Variants in NSD1 observed in about 807,000 individuals in gnomAD.
NSD1 encodes the protein nuclear receptor binding SET domain protein 1, also known as histone-lysine N-methyltransferase, H3 lysine-36 specific.
NSD1 carries 26 observed loss-of-function variants against 242.7 expected under a neutral mutation model. That is an observed-to-expected ratio of 0.11 (90% CI 0.08 to 0.15). The LOEUF (loss-of-function observed/expected upper bound fraction) is 0.15, where lower values mean the gene tolerates loss of function less well. NSD1 is among the 10% of genes least tolerant of loss of function. The pLI, the probability that NSD1 is intolerant of heterozygous loss-of-function variation, is 1.00. For synonymous variants in NSD1, 1,106 were observed against 1,178.1 expected (o/e 0.94, Z 1.25); for missense variants, 2,495 against 3,272.8 (o/e 0.76, Z 5.80).
chr5:177,208,208 A>G lies in NSD1; in HGVS notation c.1237-1428A>G, dbSNP rs990550512. ...AATAAGAGTCTGAAAAATTAGCTGT[A>G]TTTCAGAGTCTCAATGTTTTCATGC... On this transcript the variant is annotated intron_variant, in intron 4 of 22. Coordinates refer to ENST00000439151, the MANE Select transcript of NSD1 (RefSeq NM_022455.5). Among the ~76,000 whole-genome samples the G allele has an allele frequency of 3.3e-5, 5 of 152,320 alleles. No homozygotes were observed. The South Asian group carries it at 1.0e-3, about 32-fold the overall frequency.
chr5:177,171,724 G>A (rs1351638406), intron 2 of NSD1, among the ~76,000 whole-genome samples: 1 of 152,148 alleles, frequency 6.6e-6, no homozygotes, highest in Non-Finnish European at 1.5e-5. Flanking sequence ...GTCTATTTGT[G>A]TCTGGTGTAT....
intron 6 of NSD1, among the ~76,000 whole-genome samples, chr5:177,237,205 A>C (rs1280933443): frequency 3.3e-5 from 5 of 152,162 alleles, no homozygotes; most frequent in Non-Finnish European, 7.4e-5. Flanking sequence ...ATTTTATTAG[A>C]GGTTACAAAA....
chr5:177,281,001 ATGGTTT>A (rs113190641), intron 18 of NSD1, among the ~76,000 whole-genome samples, 167 bp downstream of exon 18: 8 of 152,240 alleles, frequency 5.3e-5, no homozygotes, highest in African/African-American at 1.9e-4. Context: ...TTACGAATGG[ATGGTTT>A]TGATCTCCCA....
rs193161153 is a variant in NSD1, at chr5:177,299,950, G to A, written c.*4491G>A. 1.0e-4 allele frequency: 24 copies of A among 232,876 alleles called. No homozygotes were observed. In the East Asian group the frequency reaches 1.4e-3, roughly 13 times the overall value. The allele number at this position is 232,876 out of a possible 1,614,324, so 14.4% of individuals were successfully genotyped here. A position where few individuals can be genotyped will look rare whatever the true frequency, so the allele number is the denominator to read the frequency against. ...GCACACAGCAGCTCATGGCAGAGCC[G>A]CCTCCTAGGTCTTGGCAAAGAGGCA... On this transcript the variant is annotated 3_prime_UTR_variant, in exon 23 of 23. Transcript: ENST00000439151.
Position 177,150,174 on chromosome 5 carries a change from C to T in NSD1, c.927+14144C>T, listed in dbSNP as rs908060233. ...TTTGAGATGGAGTCTCGCTCTGTCA[C>T]GCAAGCTGGAATGCAATGGCACGAT... On this transcript the variant is annotated intron_variant, in intron 2 of 22. Transcript: ENST00000439151. Among the ~76,000 whole-genome samples, 7 of 151,946 alleles carry T rather than the reference C, an allele frequency of 4.6e-5. No homozygotes were observed. The East Asian group carries it at 5.8e-4, about 13-fold the overall frequency.
At chr5:177,191,085 G>A (rs1458004017) in intron 2 of NSD1, among the ~76,000 whole-genome samples, 1 of 150,642 alleles carries the variant, frequency 6.6e-6, no homozygotes, top group African/African-American at 2.5e-5. Context: ...TCCTGTCTCA[G>A]CCTCCCAAGT....
At position 177,256,942 on chromosome 5, in the gene NSD1, G is replaced by A. The variant is rs747358179; in HGVS notation, c.4766-9G>A. ...ATTCTTACTAATTTATCTTCTTTTG[G>A]CTTCTCAGGAATCCATACCTGTTTT... On this transcript the variant is annotated splice_polypyrimidine_tract_variant and intron_variant, in intron 12 of 22. Transcript: ENST00000439151. The A allele has an allele frequency of 6.2e-7, 1 of 1,610,842 alleles. No individual in the cohort carries two copies. Among genetic ancestry groups the A allele is most frequent in the Non-Finnish European group, 8.5e-7 (1 of 1,177,148 alleles).
At chr5:177,256,732 G>A (rs1022750081) in intron 12 of NSD1, among the ~76,000 whole-genome samples, 1 of 152,180 alleles carries the variant, frequency 6.6e-6, no homozygotes, top group Non-Finnish European at 1.5e-5. Context: ...CCAGCGGCAA[G>A]CATTTTCTGT....
At chr5:177,150,817 G>T in intron 2 of NSD1, among the ~76,000 whole-genome samples, 1 of 152,134 alleles carries the variant, frequency 6.6e-6, no homozygotes, top group East Asian at 1.9e-4. Flanking sequence ...AATTGGAGTT[G>T]TTGGGTCTCC....
chr5:177,158,171 C>A (rs1226305914), intron 2 of NSD1, among the ~76,000 whole-genome samples: 3 of 152,152 alleles, frequency 2.0e-5, no homozygotes, highest in African/African-American at 7.2e-5. Context: ...TTTTGAGGAA[C>A]AGCCAGACTG....
At chr5:177,289,436 G>A (rs1399531817) in intron 21 of NSD1, among the ~76,000 whole-genome samples, 4 of 152,176 alleles carry the variant, frequency 2.6e-5, no homozygotes, top group African/African-American at 4.8e-5. Flanking sequence ...TTGTTGAAGT[G>A]TTTTGGGCCA....
chr5:177,259,855 C>G (rs990808098), intron 13 of NSD1, 134 bp from the exon 14 acceptor site: 4 of 930,822 alleles, frequency 4.3e-6, no homozygotes, highest in Admixed American at 2.1e-5. Flanking sequence ...TGTTTAAGAT[C>G]CATCATCTTA....
intron 13 of NSD1, among the ~76,000 whole-genome samples, chr5:177,258,460 T>C (rs751555376): frequency 4.6e-5 from 7 of 152,136 alleles, no homozygotes; most frequent in South Asian, 2.1e-4. Context: ...AAACTGTCTG[T>C]GCATATAGGT....
intron 8 of NSD1, among the ~76,000 whole-genome samples, chr5:177,243,856 A>G (rs1006775294): frequency 5.9e-5 from 9 of 151,824 alleles, no homozygotes; most frequent in Non-Finnish European, 1.3e-4. Flanking sequence ...ACCACACCTG[A>G]CTAATTTTGT....
In NSD1 at chr5:177,238,845, G is replaced by C. The variant is rs1480363338; in HGVS notation, c.4192+338G>C. Among the ~76,000 whole-genome samples the C allele has an allele frequency of 1.3e-5, 2 of 152,164 alleles. No individual in the cohort carries two copies. Among genetic ancestry groups the C allele is most frequent in the Non-Finnish European group, 2.9e-5 (2 of 68,024 alleles). ...GAATAAGCACTATGCTTCAAGTGCTGGCTCCACCAATCCTTGTGTTACTTG... is the reference window on the plus strand; with the variant it reads ...GAATAAGCACTATGCTTCAAGTGCTCGCTCCACCAATCCTTGTGTTACTTG... On this transcript the variant is annotated intron_variant, in intron 7 of 22. Coordinates refer to ENST00000439151, the MANE Select transcript of NSD1 (RefSeq NM_022455.5). This position sits in a 1 kb window ranked among gnomAD's most constrained non-coding sequence, Gnocchi z 4.6.
In NSD1 at chr5:177,296,094, T is replaced by C. The variant is rs1041635503; in HGVS notation, c.*635T>C. On this transcript the variant is annotated 3_prime_UTR_variant, in exon 23 of 23. Transcript: ENST00000439151. ...ACCAGAAGTGGTTGTGTTGAGGAAG[T>C]GTCTCTTGGCTGCGGTGTGCATGGG... is the stretch of plus-strand genomic sequence containing the variant. 4.0e-6 allele frequency: 1 copy of C among 252,296 alleles called. No homozygotes were observed. The highest frequency in any genetic ancestry group is 7.8e-6 in the Non-Finnish European group (1 of 128,276). The allele number at this position is 252,296 out of a possible 1,614,324, so 15.6% of individuals were successfully genotyped here. A position where few individuals can be genotyped will look rare whatever the true frequency, so the allele number is the denominator to read the frequency against.
rs2149844112 is a variant in NSD1 at position 177,210,333 on chromosome 5, G to C, written c.1934G>C (p.Gly645Ala). ...SISICTTSDD[G>A]SSDLDPIEHS... is the part of the protein sequence containing the mutation. ...AGTATCTGTACCACTTCTGATGATG[G>C]AAGCAGTGACCTGGATCCCATAGAA... Residue 645 changes from glycine (G) to alanine (A), a missense_variant, in exon 5 of 23, where the codon GGA becomes GCA. Gly to Ala is a moderately conservative substitution (Grantham distance 60). Around this residue, in one of 19 missense-constraint regions of NSD1, gnomAD observed 515 missense variants for 467.0 expected, o/e 1.10. Coordinates refer to ENST00000439151, the MANE Select transcript of NSD1 (RefSeq NM_022455.5). 2 of 1,614,034 alleles carry C rather than the reference G, an allele frequency of 1.2e-6. No individual in the cohort carries two copies. The highest frequency in any genetic ancestry group is 4.5e-5 in the East Asian group (2 of 44,880).
At position 177,257,171 on chromosome 5, in the gene NSD1, A is replaced by G. The variant is rs758443913; in HGVS notation, c.4966+20A>G. 1.3e-6 allele frequency: 2 copies of G among 1,593,810 alleles called. No homozygotes were observed. The highest frequency in any genetic ancestry group is 1.3e-5 in the African/African-American group (1 of 74,328). ...CTAAAGGTATGGATTTCTTATGTGG[A>G]CCAGTCTAATTGTAAAACCTCAGTT... On this transcript the variant is annotated intron_variant, in intron 13 of 22. Transcript: ENST00000439151.
intron 4 of NSD1, among the ~76,000 whole-genome samples, chr5:177,206,655 T>C (rs1762888741): frequency 6.6e-6 from 1 of 152,142 alleles, no homozygotes; most frequent in African/African-American, 2.4e-5. Flanking sequence ...TTAGTATGTG[T>C]TGTTAGGATG....
Sources: allele counts gnomAD v4.1 joint callset (sites outside exome capture counted in the v4.1 genomes callset), GRCh38; gene constraint gnomAD v4.1.1; regional missense constraint gnomAD v4.1.1; non-coding constraint Gnocchi (gnomAD v3.1); transcripts MANE v1.5; gene names NCBI Gene and HGNC (gene_info 2026-07-23, HGNC 2026-07-21).